Variants in PACC1 observed in about 807,000 individuals in gnomAD.
PACC1 encodes the protein proton-activated chloride channel.
In PACC1, 34 loss-of-function variants were observed where a neutral mutation model predicts 39.7. The ratio of observed to expected loss-of-function variants is 0.86; its 90% CI spans 0.65 to 1.14. The LOEUF is 1.14. Ranked by LOEUF, PACC1 falls within the 50% of genes most tolerant of loss-of-function variation. The pLI, the probability that PACC1 is intolerant of heterozygous loss-of-function variation, is 0.00. For missense variants in PACC1, 379 were observed against 436.4 expected, an observed-to-expected ratio of 0.87 and a Z score of 1.17; for synonymous variants, 127 against 160.6, an observed-to-expected ratio of 0.79 and a Z score of 1.58.
rs1474954705 is a variant in PACC1, at chr1:212,414,858, C to A, written c.-101G>T. 2 of 1,518,852 alleles carry A rather than the reference C, an allele frequency of 1.3e-6. No homozygotes were observed. The highest frequency in any genetic ancestry group is 2.3e-5 in the South Asian group (2 of 86,326). 94.1% of individuals were successfully genotyped at this position (1,518,852 alleles called of 1,614,324 possible). On this transcript the variant is annotated 5_prime_UTR_variant, in exon 1 of 8. Transcript: ENST00000261455. ...ACCTGGACCTACCGGCTCCGCGAGG[C>A]GAAACCGGTCCGGAGGGGCGTCCCA...
intron 2 of PACC1, among the ~76,000 whole-genome samples, chr1:212,388,447 C>G (rs76907221): frequency 0.019 from 2,896 of 152,294 alleles, 55 homozygotes; most frequent in Non-Finnish European, 0.028. Context: ...CCCCCACCCT[C>G]AAATTCAGGT....
chr1:212,377,655 C>A lies in PACC1; in HGVS notation c.690G>T (p.Trp230Cys). The change falls in exon 6 of 8, where the codon TGG becomes TGT. Residue 230 changes from tryptophan to cysteine, a missense_variant. Coordinates refer to ENST00000261455, the MANE Select transcript of PACC1 (RefSeq NM_018252.3). ...MQACESAYSS[W>C]KFSGGFRTWV... ...AGGTGCGGAAGCCCCCAGAGAACTT[C>A]CAGCTGGAATAGGCACTCTCACAGG... 6.2e-7 allele frequency: 1 copy of A among 1,614,214 alleles called. No individual in the cohort carries two copies. The highest frequency in any genetic ancestry group is 8.5e-7 in the Non-Finnish European group (1 of 1,180,026).
intron 4 of PACC1, among the ~76,000 whole-genome samples, chr1:212,381,252 C>G (rs1296787249): frequency 6.6e-6 from 1 of 152,138 alleles, no homozygotes; most frequent in Non-Finnish European, 1.5e-5. Context: ...ACTGTTCAGT[C>G]GTCTTAGTGG....
At position 212,404,334 on chromosome 1, in the gene PACC1, C is replaced by T. The variant is rs537396874; in HGVS notation, c.133+6091G>A. On this transcript the variant is annotated intron_variant, in intron 2 of 7. Transcript: ENST00000261455. ...TGTTAGCCAGGATGGTGTCGATCTCCTGACCTCGTGATCCACCCACCTCAG... is the reference window on the plus strand; with the variant it reads ...TGTTAGCCAGGATGGTGTCGATCTCTTGACCTCGTGATCCACCCACCTCAG... Among the ~76,000 whole-genome samples, 3 of 150,854 alleles carry T rather than the reference C, an allele frequency of 2.0e-5. No homozygotes were observed. The East Asian group carries it at 5.9e-4, about 30-fold the overall frequency.
chr1:212,376,663 T>C (rs1660677369), intron 6 of PACC1: 1 of 152,072 alleles, frequency 6.6e-6, no homozygotes, highest in Non-Finnish European at 1.5e-5. Flanking sequence ...CCAGGAGGGG[T>C]TGTCACTTCC....
At chr1:212,377,889 C>T (rs1312574233) in intron 5 of PACC1, among the ~76,000 whole-genome samples, 183 bp from the exon 6 acceptor site, 1 of 152,162 alleles carries the variant, frequency 6.6e-6, no homozygotes, top group Non-Finnish European at 1.5e-5. Context: ...AAGGCCCATC[C>T]CTCTTTTCTC....
At position 212,385,419 on chromosome 1, in the gene PACC1, G is replaced by A. The variant is rs1571650718; in HGVS notation, c.350C>T (p.Ala117Val). 6.2e-7 allele frequency: 1 copy of A among 1,614,024 alleles called. No individual in the cohort carries two copies. Residue 117 changes from alanine to valine, a missense_variant, in exon 4 of 8, where the codon GCC (alanine) becomes GTC (valine). Physicochemically the swap from Ala to Val is moderately conservative, Grantham distance 64. Coordinates refer to ENST00000261455, the MANE Select transcript of PACC1 (RefSeq NM_018252.3). ...EVDRYDAPGI[A>V]LYPGQAQLLS... is the part of the protein sequence containing the mutation. The stretch of plus-strand genomic sequence containing the variant: ...CAACTGGGCCTGACCGGGGTACAAG[G>A]CAATACCTGGGGGCACAAACAGGAA...
chr1:212,404,854 C>T (rs917285665), intron 2 of PACC1, among the ~76,000 whole-genome samples: 7 of 152,082 alleles, frequency 4.6e-5, no homozygotes, highest in South Asian at 2.1e-4. Flanking sequence ...TTGCAACCTC[C>T]GCCTCCCGGC....
intron 4 of PACC1, among the ~76,000 whole-genome samples, chr1:212,382,603 A>T (rs1660944851): frequency 6.6e-6 from 1 of 152,248 alleles, no homozygotes; most frequent in Non-Finnish European, 1.5e-5. Flanking sequence ...GGTCACTTTC[A>T]CATGAACTTG....
chr1:212,390,701 G>T (rs1423829008), intron 2 of PACC1, among the ~76,000 whole-genome samples: 1 of 152,226 alleles, frequency 6.6e-6, no homozygotes, highest in African/African-American at 2.4e-5. Context: ...GCCAAGCAAA[G>T]CTGTGACAGA....
intron 1 of PACC1, among the ~76,000 whole-genome samples, chr1:212,413,048 C>A (rs1202551805): frequency 6.6e-6 from 1 of 152,222 alleles, no homozygotes; most frequent in Non-Finnish European, 1.5e-5. Flanking sequence ...ATCCACTGTG[C>A]TCCACACCCT....
At chr1:212,399,356 A>G (rs1010123031) in intron 2 of PACC1, among the ~76,000 whole-genome samples, 2 of 152,174 alleles carry the variant, frequency 1.3e-5, no homozygotes, top group African/African-American at 2.4e-5. Context: ...TCCTAGCCCA[A>G]TGCTCTTTCC....
intron 1 of PACC1, among the ~76,000 whole-genome samples, chr1:212,414,266 C>A (rs116634410): frequency 0.016 from 2,433 of 152,280 alleles, 32 homozygotes; most frequent in Non-Finnish European, 0.023. Context: ...GACAGCGAGG[C>A]CTTGGGCTTG....
intron 4 of PACC1, among the ~76,000 whole-genome samples, chr1:212,381,392 T>G (rs1293534052): frequency 6.6e-6 from 1 of 152,202 alleles, no homozygotes; most frequent in Non-Finnish European, 1.5e-5. Flanking sequence ...TTTGTCCATC[T>G]ATTTATTTTT....
At position 212,377,675 on chromosome 1, in the gene PACC1, C is replaced by G. The variant is rs1370006971; in HGVS notation, c.670G>C (p.Glu224Gln). 1 of 1,614,208 alleles carries G rather than the reference C, an allele frequency of 6.2e-7. No homozygotes were observed. Among genetic ancestry groups the G allele is most frequent in the Non-Finnish European group, 8.5e-7 (1 of 1,180,038 alleles). ...AACTTCCAGCTGGAATAGGCACTCTCACAGGCCTGCATGAAGCCTACCCTG... is the reference window on the plus strand; with the variant it reads ...AACTTCCAGCTGGAATAGGCACTCTGACAGGCCTGCATGAAGCCTACCCTG... ...PNRVGFMQAC[E>Q]SAYSSWKFSG... The change falls in exon 6 of 8, where the codon GAG (glutamate) becomes CAG (glutamine). Residue 224 changes from glutamate to glutamine, a missense_variant. Glu to Gln is a conservative substitution (Grantham distance 29, BLOSUM62 2). Transcript: ENST00000261455.
intron 2 of PACC1, 58 bp downstream of exon 2, chr1:212,410,367 G>T: frequency 6.6e-7 from 1 of 1,518,026 alleles, no homozygotes; most frequent in Non-Finnish European, 9.1e-7. Flanking sequence ...TTGGCAAGGC[G>T]CCTAGACTGG....
At position 212,369,685 on chromosome 1, in the gene PACC1, G is replaced by A. The variant is rs183297272; in HGVS notation, c.892-4309C>T. 1.3e-3 allele frequency among the ~76,000 whole-genome samples: 193 copies of A among 151,956 alleles called. 3 individuals carry two copies. Among genetic ancestry groups the A allele is most frequent in the African/African-American group, 4.5e-3 (188 of 41,440 alleles). On this transcript the variant is annotated intron_variant, in intron 7 of 7. Coordinates refer to ENST00000261455, the MANE Select transcript of PACC1 (RefSeq NM_018252.3). ...AATCTCAGCTACTTGGGAGCCTGAGGCAGCAGAATCACTTGAACCCGGGAG... is the reference window on the plus strand; with the variant it reads ...AATCTCAGCTACTTGGGAGCCTGAGACAGCAGAATCACTTGAACCCGGGAG...
intron 2 of PACC1, among the ~76,000 whole-genome samples, chr1:212,399,586 G>A (rs1661642640): frequency 6.6e-6 from 1 of 151,968 alleles, no homozygotes; most frequent in African/African-American, 2.4e-5. Context: ...CTGTCACTCA[G>A]GCTGGAGCGC....
chr1:212,390,200 G>A (rs12411213), intron 2 of PACC1, among the ~76,000 whole-genome samples: 11,543 of 152,004 alleles, frequency 0.076, 546 homozygotes, highest in Admixed American at 0.13. Context: ...TGAGGCAGGC[G>A]GATCACAAGG....
Sources: allele counts gnomAD v4.1 joint callset (sites outside exome capture counted in the v4.1 genomes callset), GRCh38; gene constraint gnomAD v4.1.1; transcripts MANE v1.5; gene names NCBI Gene and HGNC (gene_info 2026-07-23, HGNC 2026-07-21).